GRID1: variants seen among roughly 807,000 people sequenced by gnomAD.
GRID1 encodes glutamate receptor ionotropic, delta-1.
Under a neutral mutation model 98.0 loss-of-function variants are expected in GRID1, and 28 were observed. The ratio of observed to expected loss-of-function variants is 0.29; its 90% CI spans 0.21 to 0.39. The LOEUF is 0.39. GRID1 is among the 10% of genes least tolerant of loss of function. GRID1 has a pLI of 1.00. For synonymous variants in GRID1, 553 were observed against 538.5 expected, an observed-to-expected ratio of 1.03 and a Z score of -0.37; for missense variants, 1,111 against 1,340.5, an observed-to-expected ratio of 0.83 and a Z score of 2.67.
At chr10:85,982,862 A>G (rs1008477924) in intron 4 of GRID1, among the ~76,000 whole-genome samples, 12 of 152,344 alleles carry the variant, frequency 7.9e-5, no homozygotes, top group Admixed American at 2.0e-4. Context: ...CAAGTTTCTC[A>G]GCAAGGGCAA....
intron 3 of GRID1, among the ~76,000 whole-genome samples, chr10:86,162,921 A>G (rs1000035671): frequency 2.6e-5 from 4 of 152,106 alleles, no homozygotes; most frequent in Non-Finnish European, 4.4e-5. Flanking sequence ...CATATATCTG[A>G]TCCATCATCA....
At chr10:85,624,826 A>G (rs961214839) in intron 13 of GRID1, among the ~76,000 whole-genome samples, 3 of 152,202 alleles carry the variant, frequency 2.0e-5, no homozygotes, top group African/African-American at 4.8e-5. Flanking sequence ...CGAAAAAGTA[A>G]CCTAAATATA....
intron 8 of GRID1, among the ~76,000 whole-genome samples, chr10:85,828,881 A>G (rs758512933): frequency 6.6e-6 from 1 of 152,190 alleles, no homozygotes; most frequent in African/African-American, 2.4e-5. Flanking sequence ...CCAGGTGTAT[A>G]AAGAAGAGCT....
rs149865457 is a variant in GRID1 at position 86,002,975 on chromosome 10, C to T, written c.727-86736G>A. Among the ~76,000 whole-genome samples, 446 of 152,296 alleles carry T rather than the reference C, an allele frequency of 2.9e-3. 2 individuals are homozygous for T. The highest frequency in any genetic ancestry group is 0.01 in the African/African-American group (416 of 41,548). ...AAGATCTTAGGGTTGGCCCTAACTC[C>T]GCTTGCAGAGCAAGGGATGACTGTC... On this transcript the variant is annotated intron_variant, in intron 4 of 15. Coordinates refer to ENST00000327946, the MANE Select transcript of GRID1 (RefSeq NM_017551.3).
At chr10:86,081,925 T>C (rs910042922) in intron 4 of GRID1, among the ~76,000 whole-genome samples, 30 of 152,334 alleles carry the variant, frequency 2.0e-4, no homozygotes, top group South Asian at 1.2e-3. Context: ...GGTGAACTTA[T>C]GTCATTACAC....
At chr10:86,145,570 A>ACACACACACACACC in intron 3 of GRID1, among the ~76,000 whole-genome samples, 1 of 150,282 alleles carries the variant, frequency 6.7e-6, no homozygotes, top group Non-Finnish European at 1.5e-5. Flanking sequence ...ACACACACAC[A>ACACACACACACACC]CCCTCCCTCC....
intron 4 of GRID1, among the ~76,000 whole-genome samples, chr10:86,075,669 T>C: frequency 6.6e-6 from 1 of 152,110 alleles, no homozygotes; most frequent in East Asian, 1.9e-4. Flanking sequence ...GTGGCCACCA[T>C]AAATCAACAG....
intron 4 of GRID1, among the ~76,000 whole-genome samples, chr10:85,992,003 T>A (rs1272868795): frequency 6.6e-6 from 1 of 151,826 alleles, no homozygotes; most frequent in African/African-American, 2.4e-5. Flanking sequence ...GAGGGGAAAT[T>A]GGGATGGATT....
chr10:86,355,990 G>A (rs1218255676), intron 2 of GRID1, among the ~76,000 whole-genome samples: 1 of 152,252 alleles, frequency 6.6e-6, no homozygotes, highest in Non-Finnish European at 1.5e-5. Flanking sequence ...ACAGGGGGAG[G>A]TCATGGGTGC....
Position 85,724,340 on chromosome 10 carries a change from C to T in GRID1, c.1858+12G>A. On this transcript the variant is annotated intron_variant, in intron 11 of 15. Transcript: ENST00000327946. ...CTAGAGCTATTCAATGATCAGGAAA[C>T]CAGAAAGGTACCTTGCTGTACGAAG... 1 of 1,601,102 alleles carries T rather than the reference C, an allele frequency of 6.2e-7. No individual in the cohort carries two copies. Among genetic ancestry groups the T allele is most frequent in the African/African-American group, 1.3e-5 (1 of 74,674 alleles).
chr10:86,087,758 C>T (rs1255956662), intron 4 of GRID1, among the ~76,000 whole-genome samples: 1 of 152,176 alleles, frequency 6.6e-6, no homozygotes. Flanking sequence ...GAGAAGCTCC[C>T]ATTCTCTACC....
At chr10:86,267,387 G>T (rs190911411) in intron 2 of GRID1, among the ~76,000 whole-genome samples, 1 of 152,192 alleles carries the variant, frequency 6.6e-6, no homozygotes, top group Non-Finnish European at 1.5e-5. Context: ...ACCCAGCCCC[G>T]CCCTGGGGCT....
intron 3 of GRID1, among the ~76,000 whole-genome samples, chr10:86,139,751 G>A (rs531581193): frequency 1.1e-3 from 175 of 152,336 alleles, no homozygotes; most frequent in African/African-American, 4.0e-3. Context: ...ATCCTGGCAC[G>A]TTGGTGATCA....
chr10:86,244,648 G>A (rs901531814), intron 2 of GRID1, among the ~76,000 whole-genome samples: 2 of 152,326 alleles, frequency 1.3e-5, no homozygotes, highest in South Asian at 2.1e-4. Flanking sequence ...AAGAGGCAGC[G>A]AGGCCTGGGC....
At chr10:85,755,117 G>A (rs1040454646) in intron 8 of GRID1, among the ~76,000 whole-genome samples, 4 of 152,068 alleles carry the variant, frequency 2.6e-5, no homozygotes, top group East Asian at 1.9e-4. Flanking sequence ...TGTTTTGGCC[G>A]GCCCTTTTTC....
At chr10:85,748,231 A>G (rs1842015380) in intron 8 of GRID1, among the ~76,000 whole-genome samples, 1 of 152,198 alleles carries the variant, frequency 6.6e-6, no homozygotes, top group African/African-American at 2.4e-5. Context: ...GGAGTAGAAC[A>G]TTCACATAAT....
Position 86,364,092 on chromosome 10 carries a change from G to A in GRID1, c.84C>T (p.Ala28=), listed in dbSNP as rs1217890589. 1 of 1,613,418 alleles carries A rather than the reference G, an allele frequency of 6.2e-7. No individual in the cohort carries two copies. The highest frequency in any genetic ancestry group is 8.5e-7 in the Non-Finnish European group (1 of 1,179,520). Residue 28 remains alanine (A), a synonymous_variant, in exon 2 of 16, where the codon GCC becomes GCT. Coordinates refer to ENST00000327946, the MANE Select transcript of GRID1 (RefSeq NM_017551.3). ...VRADSIIHIG[A]IFEENAAKDD... ...CCTTGGCCGCGTTCTCCTCGAAGAT[G>A]GCACCTGGAGGAGAGAAGGGATCAA...
At chr10:85,693,102 G>A (rs920837616) in intron 12 of GRID1, among the ~76,000 whole-genome samples, 1 of 152,156 alleles carries the variant, frequency 6.6e-6, no homozygotes, top group Non-Finnish European at 1.5e-5. Flanking sequence ...AGAGAAAAAG[G>A]TAAGTCAGGA....
chr10:85,899,900 C>T lies in GRID1; in HGVS notation c.780+16286G>A, dbSNP rs76014174. Among the ~76,000 whole-genome samples, 6 of 152,316 alleles carry T rather than the reference C, an allele frequency of 3.9e-5. No homozygotes were observed. In the East Asian group the frequency reaches 1.2e-3, roughly 29 times the overall value. ...GCTGCTGGAAACTGCATCCTAGTTC[C>T]AATCACTGGCAGTTAAACTGCCTCC... On this transcript the variant is annotated intron_variant, in intron 5 of 15. Transcript: ENST00000327946.
Sources: allele counts gnomAD v4.1 joint callset (sites outside exome capture counted in the v4.1 genomes callset), GRCh38; gene constraint gnomAD v4.1.1; transcripts MANE v1.5; gene names NCBI Gene and HGNC (gene_info 2026-07-23, HGNC 2026-07-21).